PRDM7: variants seen among roughly 807,000 people sequenced by gnomAD.
The protein encoded by PRDM7 is PR/SET domain 7, also known as histone-lysine N-methyltransferase PRDM7.
In PRDM7, 52 loss-of-function variants were observed where a neutral mutation model predicts 64.3. That is an observed-to-expected ratio of 0.81 (90% confidence interval 0.65 to 1.02). PRDM7 has a LOEUF of 1.02. PRDM7 is among the 50% of genes least tolerant of loss of function. PRDM7 has a pLI of 0.00. For synonymous variants in PRDM7, 192 were observed against 210.1 expected (o/e 0.91, Z 0.74); for missense variants, 574 against 597.1 (o/e 0.96, Z 0.40).
At position 90,077,224 on chromosome 16, in the gene PRDM7, A is replaced by G. The variant is rs542839867; in HGVS notation, c.-86+2T>C. On this transcript the variant is annotated splice_donor_variant, in intron 1 of 10. Transcript: ENST00000449207. LOFTEE classifies it low-confidence loss of function (5UTR_SPLICE). ...TTTGAAGGTCTTGGGATGAGGGTTT[A>G]CAAGGGTTTCACGCTGCACGACAAA... The G allele has an allele frequency of 6.6e-6, 1 of 152,316 alleles. No homozygotes were observed. Among genetic ancestry groups the G allele is most frequent in the African/African-American group, 2.4e-5 (1 of 41,532 alleles). 9.4% of individuals were successfully genotyped at this position (152,316 alleles called of 1,614,324 possible). A position where few individuals can be genotyped will look rare whatever the true frequency, so the allele number is the denominator to read the frequency against.
At chr16:90,063,905 A>C (rs766889977) in intron 5 of PRDM7, 137 bp from the exon 6 acceptor site, 10 of 1,129,716 alleles carry the variant, frequency 8.9e-6, no homozygotes, top group Non-Finnish European at 1.1e-5. Flanking sequence ...TAGAGGGAAA[A>C]GACAAGGTCT....
chr16:90,058,531 G>A lies in PRDM7; in HGVS notation c.1237C>T (p.Gln413Ter). The part of the protein sequence containing the change: ...GRKSSWQGEN[Q>*]SQRSIHVPHA... ...GGGACATGGATGGATCTCTGGCTTT[G>A]GTTCTGAAAGAGGAAGTTTTTGGTC... is the stretch of plus-strand genomic sequence containing the variant. The change falls in exon 11 of 11, where the codon CAA becomes TAA. Residue 413 changes from glutamine (Q) to a stop codon, truncating the protein, a stop_gained. Transcript: ENST00000449207. LOFTEE classifies it high-confidence loss of function. 6.2e-7 allele frequency: 1 copy of A among 1,614,108 alleles called. No homozygotes were observed. The highest frequency in any genetic ancestry group is 2.2e-5 in the East Asian group (1 of 44,880).
chr16:90,076,508 T>G (rs2038037972), intron 1 of PRDM7, among the ~76,000 whole-genome samples: 1 of 151,732 alleles, frequency 6.6e-6, no homozygotes, highest in African/African-American at 2.4e-5. Flanking sequence ...AGGTTGAGAT[T>G]TGGGGTCCCT....
Position 90,074,280 on chromosome 16 carries a change from A to ATCG in PRDM7, c.301+633_301+635dup, listed in dbSNP as rs1206129767. Among the ~76,000 whole-genome samples, 296 of 94,228 alleles carry ATCG rather than the reference A, an allele frequency of 3.1e-3. 4 individuals are homozygous for ATCG. The East Asian group carries it at 0.044, about 14-fold the overall frequency. The allele number at this position is 94,228 out of a possible 152,430, so 61.8% of individuals were successfully genotyped here. ...GTCTGTAATAATAGTAACAATCATC[A>ATCG]TCGTCATCATCATCATCATCATCAT... On this transcript the variant is annotated intron_variant, in intron 4 of 10. Coordinates refer to ENST00000449207, the MANE Select transcript of PRDM7 (RefSeq NM_001098173.2).
At chr16:90,064,403 T>G (rs55830844) in intron 5 of PRDM7, among the ~76,000 whole-genome samples, 18,660 of 134,678 alleles carry the variant, frequency 0.14, 2,309 homozygotes, top group East Asian at 0.7. Flanking sequence ...GCATACATGG[T>G]TTTGTTTTGT....
rs1567873523 is a variant in PRDM7, at chr16:90,058,010, ACT to A, written c.*277_*278del. On this transcript the variant is annotated 3_prime_UTR_variant, in exon 11 of 11. Transcript: ENST00000449207. ...TGACTTCCGGCTAAAGCCCTCCCAC[ACT>A]CTCTGCAGACGTAGGGCTTCCCCCC... 6.2e-7 allele frequency: 1 copy of A among 1,607,012 alleles called. No homozygotes were observed. Among genetic ancestry groups the A allele is most frequent in the African/African-American group, 1.3e-5 (1 of 74,286 alleles).
chr16:90,074,798 G>A, intron 4 of PRDM7, 118 bp downstream of exon 4: 1 of 983,008 alleles, frequency 1.0e-6, no homozygotes, highest in Non-Finnish European at 1.5e-6. Context: ...AGAATCGCTT[G>A]AACCTGGGAG....
chr16:90,065,286 G>A (rs1365856387), intron 5 of PRDM7, among the ~76,000 whole-genome samples: 1 of 147,730 alleles, frequency 6.8e-6, no homozygotes. Context: ...CCAGCTACTC[G>A]GGAGGCTGAG....
chr16:90,067,621 C>CG (rs1197007765), intron 4 of PRDM7, among the ~76,000 whole-genome samples: 1 of 135,600 alleles, frequency 7.4e-6, no homozygotes, highest in Non-Finnish European at 1.5e-5. Flanking sequence ...GATGGAGTCT[C>CG]GCTCTGTCAC....
At chr16:90,061,572 A>G in intron 8 of PRDM7, 53 bp from the exon 9 acceptor site, 1 of 1,534,432 alleles carries the variant, frequency 6.5e-7, no homozygotes, top group Non-Finnish European at 9.0e-7. Flanking sequence ...AATCCGAAGA[A>G]TTATTTTACT....
In PRDM7 at chr16:90,057,593, G is replaced by A. The variant is rs898247945; in HGVS notation, c.*696C>T. The A allele has an allele frequency of 3.5e-5, 24 of 691,178 alleles. No homozygotes were observed. Among genetic ancestry groups the A allele is most frequent in the African/African-American group, 1.3e-4 (7 of 53,150 alleles). The allele number at this position is 691,178 out of a possible 1,614,324, so 42.8% of individuals were successfully genotyped here. ...CACAAAAAATGGAGGGGATCAGTGC[G>A]GGAAACAACCACACATGTTGACGTC... On this transcript the variant is annotated 3_prime_UTR_variant, in exon 11 of 11. Transcript: ENST00000449207.
At chr16:90,071,801 C>T (rs2037960733) in intron 4 of PRDM7, among the ~76,000 whole-genome samples, 1 of 152,180 alleles carries the variant, frequency 6.6e-6, no homozygotes, top group Non-Finnish European at 1.5e-5. Flanking sequence ...TAAAATGGTG[C>T]AGACACTGTA....
rs533890465 is a variant in PRDM7, at chr16:90,059,101, C to T, written c.1234-567G>A. On this transcript the variant is annotated intron_variant, in intron 10 of 10. Coordinates refer to ENST00000449207, the MANE Select transcript of PRDM7 (RefSeq NM_001098173.2). ...GTTAGCAAATCTGAATTTGAGTATC[C>T]TCATTCAAAAGGACATATTTAATTG... Among the ~76,000 whole-genome samples, 132 of 152,256 alleles carry T rather than the reference C, an allele frequency of 8.7e-4. 1 individual carries two copies. Among genetic ancestry groups the T allele is most frequent in the Middle Eastern group, 3.4e-3 (1 of 294 alleles).
In PRDM7 at chr16:90,064,226, A is replaced by G. The variant is rs145545311; in HGVS notation, c.352-458T>C. Among the ~76,000 whole-genome samples, 13 of 152,360 alleles carry G rather than the reference A, an allele frequency of 8.5e-5. No homozygotes were observed. In the East Asian group the frequency reaches 2.3e-3, roughly 27 times the overall value. On this transcript the variant is annotated intron_variant, in intron 5 of 10. Transcript: ENST00000449207. The stretch of plus-strand genomic sequence containing the variant: ...ACAAAGAGATGATTGGCAAAAATAT[A>G]TCTAGACAACTAAGAAAGTGAAGTC...
rs1431928870 is a variant in PRDM7, at chr16:90,075,777, G to A, written c.69+65C>T. On this transcript the variant is annotated intron_variant, in intron 2 of 10. Coordinates refer to ENST00000449207, the MANE Select transcript of PRDM7 (RefSeq NM_001098173.2). The surrounding 1 kb of genome is among the most constrained non-coding windows in gnomAD (Gnocchi z 4.3). ...AGAGTCACCCAAGGGTACAGGCCAGGAGTCTGCAGCACTCCAGAGATCAGC... is the reference window on the plus strand; with the variant it reads ...AGAGTCACCCAAGGGTACAGGCCAGAAGTCTGCAGCACTCCAGAGATCAGC... The A allele has an allele frequency of 3.8e-6, 6 of 1,564,106 alleles. No individual in the cohort carries two copies. In the African/African-American group the frequency reaches 8.1e-5, roughly 21 times the overall value.
Position 90,075,132 on chromosome 16 carries a change from C to T in PRDM7, c.194-109G>A. On this transcript the variant is annotated intron_variant, in intron 3 of 10. Transcript: ENST00000449207. This position sits in a 1 kb window ranked among gnomAD's most constrained non-coding sequence, Gnocchi z 4.3. The stretch of plus-strand genomic sequence containing the variant: ...AGCCAGTGCTGCTCAGTCTGATGAG[C>T]TGGGAGAGTCTTGAACAAGGTCAAG... The T allele has an allele frequency of 7.3e-7, 1 of 1,360,650 alleles. No homozygotes were observed. The highest frequency in any genetic ancestry group is 1.4e-5 in the African/African-American group (1 of 69,620). 84.3% of individuals were successfully genotyped at this position (1,360,650 alleles called of 1,614,324 possible).
rs2037698427 is a variant in PRDM7 at position 90,057,146 on chromosome 16, G to C, written c.*1143C>G. On this transcript the variant is annotated 3_prime_UTR_variant, in exon 11 of 11. Coordinates refer to ENST00000449207, the MANE Select transcript of PRDM7 (RefSeq NM_001098173.2). The stretch of plus-strand genomic sequence containing the variant: ...CAGGCTTAACACACATAGCACACGT[G>C]AACACATATATACACACATGCGTGT... 6.5e-6 allele frequency: 1 copy of C among 152,672 alleles called. No homozygotes were observed. Among genetic ancestry groups the C allele is most frequent in the South Asian group, 2.1e-4 (1 of 4,832 alleles). 9.5% of individuals were successfully genotyped at this position (152,672 alleles called of 1,614,324 possible).
At chr16:90,061,315 A>T (rs888915321) in intron 9 of PRDM7, 137 bp downstream of exon 9, 3 of 840,446 alleles carry the variant, frequency 3.6e-6, no homozygotes, top group African/African-American at 3.5e-5. Context: ...AGTTGATGGT[A>T]TAAAACAGCA....
chr16:90,061,935 C>T lies in PRDM7; in HGVS notation c.868G>A (p.Gly290Arg). The part of the protein sequence containing the change: ...ITEDEEAANS[G>R]YSWLITKGRN... ...GCTCTTCTTACTAGCCAGGAATATCCACTGTTGGCTGCCTCTTCGTCTTCT... is the reference window on the plus strand; with the variant it reads ...GCTCTTCTTACTAGCCAGGAATATCTACTGTTGGCTGCCTCTTCGTCTTCT... Residue 290 changes from glycine to arginine, a missense_variant, in exon 8 of 11, where the codon GGA (glycine) becomes AGA (arginine). Transcript: ENST00000449207. The T allele has an allele frequency of 6.2e-7, 1 of 1,614,262 alleles. No individual in the cohort carries two copies. Among genetic ancestry groups the T allele is most frequent in the Non-Finnish European group, 8.5e-7 (1 of 1,180,046 alleles).
Sources: gnomAD v4.1 joint callset for allele counts (sites outside exome capture counted in the v4.1 genomes callset) on GRCh38, gnomAD v4.1.1 for gene constraint, Gnocchi (gnomAD v3.1) non-coding constraint, MANE v1.5 for transcripts, NCBI Gene and HGNC (gene_info 2026-07-23, HGNC 2026-07-21) for gene names.